The following KANK3 variants were observed in gnomAD, a reference collection of about 807,000 sequenced individuals.
The protein encoded by KANK3 is KN motif and ankyrin repeat domain-containing protein 3.
KANK3 carries 61 observed loss-of-function variants against 65.4 expected under a neutral mutation model. The ratio of observed to expected loss-of-function variants is 0.93; its 90% CI spans 0.76 to 1.15. The LOEUF (loss-of-function observed/expected upper bound fraction) is 1.15, where lower values mean the gene tolerates loss of function less well. Among genes scored for constraint, KANK3 ranks in the 50% most tolerant of loss-of-function variants. The pLI, the probability that KANK3 is intolerant of heterozygous loss-of-function variation, is 0.00. For synonymous variants in KANK3, 586 were observed against 543.3 expected (o/e 1.08, Z -1.09); for missense variants, 1,187 against 1,178.8 (o/e 1.01, Z -0.10).
At position 8,322,900 on chromosome 19, in the gene KANK3, TGGGAGCCAGG is replaced by T; in HGVS notation, c.2395_2404del (p.Pro799ArgfsTer30). 6.4e-7 allele frequency: 1 copy of T among 1,554,670 alleles called. No homozygotes were observed. Among genetic ancestry groups the T allele is most frequent in the Non-Finnish European group, 8.7e-7 (1 of 1,150,382 alleles). On this transcript the variant is annotated frameshift_variant, in exon 11 of 11. Coordinates refer to ENST00000330915, the MANE Select transcript of KANK3 (RefSeq NM_198471.3). LOFTEE classifies it low-confidence loss of function (END_TRUNC). ...TTCTCCTTCACCAGGTGTGGCTGTC[TGGGAGCCAGG>T]GGGTGACTCGCTCTGGAGAGAGGGG...
intron 1 of KANK3, 122 bp from the exon 2 acceptor site, chr19:8,337,978 A>G (rs1970671183): frequency 1.4e-6 from 2 of 1,413,474 alleles, no homozygotes; most frequent in Non-Finnish European, 1.9e-6. Flanking sequence ...CTCCCTCCAC[A>G]CATGGCCTCT....
At chr19:8,339,383 G>T (rs1036009339) in intron 1 of KANK3, among the ~76,000 whole-genome samples, 1 of 138,310 alleles carries the variant, frequency 7.2e-6, no homozygotes, top group Admixed American at 7.6e-5. Context: ...TTTTGAGACA[G>T]AATTTCCCTC....
At chr19:8,331,067 CCTGTAGTCCCAGCTA>C (rs1247665743) in intron 7 of KANK3, among the ~76,000 whole-genome samples, 1 of 151,868 alleles carries the variant, frequency 6.6e-6, no homozygotes, top group African/African-American at 2.4e-5. Flanking sequence ...GTGGCGGGCG[CCTGTAGTCCCAGCTA>C]CTCGGGAGGC....
intron 7 of KANK3, among the ~76,000 whole-genome samples, chr19:8,328,600 G>A (rs549648347): frequency 1.1e-4 from 17 of 152,104 alleles, no homozygotes; most frequent in Admixed American, 2.0e-4. Flanking sequence ...GAGACAAGGG[G>A]TGGGGGCAGT....
intron 7 of KANK3, among the ~76,000 whole-genome samples, chr19:8,332,365 A>G (rs1970541015): frequency 6.6e-6 from 1 of 151,608 alleles, no homozygotes; most frequent in Admixed American, 6.6e-5. Context: ...TTTAGTAGAG[A>G]TGGGGTTTTG....
At chr19:8,339,202 A>G (rs1334499086) in intron 1 of KANK3, among the ~76,000 whole-genome samples, 2 of 152,128 alleles carry the variant, frequency 1.3e-5, no homozygotes, top group Non-Finnish European at 2.9e-5. Flanking sequence ...GCCACATATA[A>G]TAATGTGATA....
intron 7 of KANK3, among the ~76,000 whole-genome samples, chr19:8,331,049 C>T (rs577967524): frequency 6.0e-5 from 9 of 151,072 alleles, no homozygotes; most frequent in Admixed American, 2.6e-4. Flanking sequence ...AAAAATTAGC[C>T]GGGCGTGGTG....
At position 8,334,529 on chromosome 19, in the gene KANK3, A is replaced by G. The variant is rs1043939378; in HGVS notation, c.1298T>C (p.Met433Thr). The change falls in exon 3 of 11, where the codon ATG becomes ACG. Residue 433 changes from methionine to threonine, a missense_variant. Met to Thr is a moderately conservative substitution (Grantham distance 81). This residue lies in a region of KANK3 where 1,078 missense variants were observed against 1,038.2 expected (regional missense o/e 1.04). Coordinates refer to ENST00000330915, the MANE Select transcript of KANK3 (RefSeq NM_198471.3). ...GGGCGCCACGGCCCTGTCTCCGTCC[A>G]TGGATCCGGGCGAGCTCTCCTGAGT... Reference protein sequence around the residue: ...SLTQESSPGSMDGDRAVAPAG... With the variant: ...SLTQESSPGSTDGDRAVAPAG... 1 of 1,603,366 alleles carries G rather than the reference A, an allele frequency of 6.2e-7. No homozygotes were observed. Among genetic ancestry groups the G allele is most frequent in the African/African-American group, 1.3e-5 (1 of 74,906 alleles).
In KANK3 at chr19:8,333,852, C is replaced by T. The variant is rs1450223787; in HGVS notation, c.1635-44G>A. 5 of 1,547,588 alleles carry T rather than the reference C, an allele frequency of 3.2e-6. No individual in the cohort carries two copies. In the African/African-American group the frequency reaches 6.9e-5, roughly 21 times the overall value. On this transcript the variant is annotated intron_variant, in intron 5 of 10. Transcript: ENST00000330915. The surrounding 1 kb of genome is among the most constrained non-coding windows in gnomAD (Gnocchi z 5.0). ...GAGACTCAGGATGGATCGGGGACAG[C>T]GCCGACCAGGAGGAGGGCAGCCGCC...
intron 7 of KANK3, 76 bp from the exon 8 acceptor site, chr19:8,325,172 C>A: frequency 6.8e-7 from 1 of 1,481,062 alleles, no homozygotes; most frequent in Non-Finnish European, 9.0e-7. Flanking sequence ...TCCCTGCAAG[C>A]CTCGGGCACA....
At chr19:8,329,974 A>G (rs1970496485) in intron 7 of KANK3, among the ~76,000 whole-genome samples, 1 of 152,118 alleles carries the variant, frequency 6.6e-6, no homozygotes, top group Admixed American at 6.6e-5. Flanking sequence ...GGCTGGAGGG[A>G]GAGAGGGAGA....
intron 1 of KANK3, among the ~76,000 whole-genome samples, chr19:8,338,873 CAAAA>C (rs35505826): frequency 2.1e-4 from 4 of 18,932 alleles, no homozygotes; most frequent in Admixed American, 8.3e-4. Flanking sequence ...GATTCCGTCT[CAAAA>C]AAAAAAAAAA....
rs147371521 is a variant in KANK3, at chr19:8,328,528, C to T, written c.1937-3432G>A. On this transcript the variant is annotated intron_variant, in intron 7 of 10. Coordinates refer to ENST00000330915, the MANE Select transcript of KANK3 (RefSeq NM_198471.3). Reference sequence around the variant, plus strand: ...GGTTTGTCAGGCAGGCAGGTAGGGTCGGGTGAGAGAGGGGTATGGAGAAGA... The same window carrying T: ...GGTTTGTCAGGCAGGCAGGTAGGGTTGGGTGAGAGAGGGGTATGGAGAAGA... Among the ~76,000 whole-genome samples the T allele has an allele frequency of 3.3e-3, 503 of 151,622 alleles. 1 individual carries two copies. Among genetic ancestry groups the T allele is most frequent in the African/African-American group, 0.012 (484 of 41,294 alleles).
At chr19:8,325,730 C>G (rs1370771409) in intron 7 of KANK3, among the ~76,000 whole-genome samples, 1 of 152,156 alleles carries the variant, frequency 6.6e-6, no homozygotes, top group East Asian at 1.9e-4. Flanking sequence ...TTCATGGCCA[C>G]CACCCGCCAA....
Position 8,334,639 on chromosome 19 carries a change from C to T in KANK3, c.1188G>A (p.Gln396=), listed in dbSNP as rs1000769271. 3 of 1,537,370 alleles carry T rather than the reference C, an allele frequency of 2.0e-6. No homozygotes were observed. Among genetic ancestry groups the T allele is most frequent in the Non-Finnish European group, 2.6e-6 (3 of 1,148,228 alleles). ...GGGTCTGGGTGGTGGCCTCGCGTAG[C>T]TGGGCCCGGGCCCCCGCCGCTGCCT... ...AEEAAAGARA[Q]LREATTQTPW... The change falls in exon 3 of 11, where the codon CAG becomes CAA. Residue 396 remains glutamine, a synonymous_variant. Transcript: ENST00000330915.
chr19:8,339,020 T>A (rs1168891396), intron 1 of KANK3, among the ~76,000 whole-genome samples: 1 of 151,984 alleles, frequency 6.6e-6, no homozygotes, highest in East Asian at 1.9e-4. Flanking sequence ...GATACTTGTC[T>A]CCCTGGAATG....
intron 7 of KANK3, among the ~76,000 whole-genome samples, chr19:8,332,531 G>T (rs963356586): frequency 7.9e-5 from 12 of 151,668 alleles, no homozygotes. Flanking sequence ...AAAACCCAAG[G>T]AGGTTGGCTG....
intron 7 of KANK3, 90 bp from the exon 8 acceptor site, chr19:8,325,186 C>G: frequency 7.1e-7 from 1 of 1,406,716 alleles, no homozygotes; most frequent in African/African-American, 1.4e-5. Flanking sequence ...GGGCACAGCA[C>G]CTGCATATGG....
chr19:8,336,739 C>CA (rs576688863), intron 2 of KANK3, among the ~76,000 whole-genome samples: 18,935 of 107,264 alleles, frequency 0.18, 1,780 homozygotes, highest in Non-Finnish European at 0.2. Flanking sequence ...GACCCTGTCT[C>CA]AAAAAAAAAA....
Sources: allele counts gnomAD v4.1 joint callset (sites outside exome capture counted in the v4.1 genomes callset), GRCh38; gene constraint gnomAD v4.1.1; regional missense constraint gnomAD v4.1.1; non-coding constraint Gnocchi (gnomAD v3.1); transcripts MANE v1.5; gene names NCBI Gene and HGNC (gene_info 2026-07-23, HGNC 2026-07-21).